Variants in CDK19 observed in about 807,000 individuals in gnomAD.
CDK19 encodes cyclin dependent kinase 19, also known as cyclin-dependent kinase 19.
A neutral mutation model predicts 68.3 loss-of-function variants in CDK19; 20 were observed. That is an observed-to-expected ratio of 0.29 (90% CI 0.21 to 0.43). The LOEUF (loss-of-function observed/expected upper bound fraction) is 0.43, where lower values mean the gene tolerates loss of function less well. Among genes scored for constraint, CDK19 ranks in the 20% least tolerant of loss-of-function variants. The pLI, the probability that CDK19 is intolerant of heterozygous loss-of-function variation, is 1.00. For synonymous variants in CDK19, 221 were observed against 222.8 expected (o/e 0.99, Z 0.07); for missense variants, 339 against 623.5 (o/e 0.54, Z 4.86).
chr6:110,770,913 A>G (rs188504572), intron 1 of CDK19, among the ~76,000 whole-genome samples: 1 of 152,322 alleles, frequency 6.6e-6, no homozygotes, highest in Non-Finnish European at 1.5e-5. Context: ...TAAAGCTCCA[A>G]AATGATCTCC....
At chr6:110,762,286 G>A (rs1323882596) in intron 1 of CDK19, among the ~76,000 whole-genome samples, 1 of 152,088 alleles carries the variant, frequency 6.6e-6, no homozygotes, top group African/African-American at 2.4e-5. Flanking sequence ...TGATTTCCCT[G>A]ATCTCTCTTT....
intron 2 of CDK19, among the ~76,000 whole-genome samples, chr6:110,734,558 TCTC>T (rs1777080339): frequency 6.7e-6 from 1 of 149,830 alleles, no homozygotes; most frequent in African/African-American, 2.5e-5. Flanking sequence ...TCTCTCTCTC[TCTC>T]ATGTCTGGGC....
chr6:110,778,607 T>C (rs1397184160), intron 1 of CDK19, among the ~76,000 whole-genome samples: 1 of 152,208 alleles, frequency 6.6e-6, no homozygotes, highest in Non-Finnish European at 1.5e-5. Flanking sequence ...TGTACTAAAT[T>C]GTTCTCCCTA....
intron 6 of CDK19, among the ~76,000 whole-genome samples, chr6:110,628,792 A>G (rs1239475417): frequency 6.6e-6 from 1 of 152,200 alleles, no homozygotes; most frequent in Non-Finnish European, 1.5e-5. Flanking sequence ...ATTCAGGTAC[A>G]GTTTCCTTCC....
At chr6:110,707,758 G>A (rs576933653) in intron 2 of CDK19, among the ~76,000 whole-genome samples, 1 of 152,226 alleles carries the variant, frequency 6.6e-6, no homozygotes, top group South Asian at 2.1e-4. Flanking sequence ...AATCACCTGA[G>A]GTCAGGAGTT....
Position 110,614,633 on chromosome 6 carries a change from C to A in CDK19, c.1411G>T (p.Val471Phe), listed in dbSNP as rs764256188. The stretch of plus-strand genomic sequence containing the variant: ...CTCTGGGACTGAGAGGATCCCTGAA[C>A]GCTGCTTTGGTAATTCAGGCGAGAA... ...SSSRLNYQSSVQGSSQSQSTL... is the reference protein window; with the variant it reads ...SSSRLNYQSSFQGSSQSQSTL... The change falls in exon 13 of 13, where the codon GTT (valine) becomes TTT (phenylalanine). Residue 471 changes from valine (V) to phenylalanine (F), a missense_variant. By Grantham distance (50) the Val-to-Phe change is conservative. Transcript: ENST00000368911. 2 of 1,613,796 alleles carry A rather than the reference C, an allele frequency of 1.2e-6. No homozygotes were observed. Among genetic ancestry groups the A allele is most frequent in the South Asian group, 2.2e-5 (2 of 91,070 alleles).
At chr6:110,634,659 C>G (rs1464212175) in intron 5 of CDK19, among the ~76,000 whole-genome samples, 2 of 152,240 alleles carry the variant, frequency 1.3e-5, no homozygotes, top group Non-Finnish European at 2.9e-5. Flanking sequence ...CATTTCCCTA[C>G]AGCAAACAAA....
chr6:110,623,475 T>G (rs987410650), intron 8 of CDK19, 113 bp from the exon 9 acceptor site: 287 of 1,420,138 alleles, frequency 2.0e-4, no homozygotes, highest in South Asian at 2.8e-4. Flanking sequence ...AGTCATTGTT[T>G]TTTCTGAATA....
Position 110,804,559 on chromosome 6 carries a change from C to T in CDK19, c.128+10450G>A, listed in dbSNP as rs1441144274. Among the ~76,000 whole-genome samples, 3 of 151,390 alleles carry T rather than the reference C, an allele frequency of 2.0e-5. No individual in the cohort carries two copies. The East Asian group carries it at 6.0e-4, about 30-fold the overall frequency. On this transcript the variant is annotated intron_variant, in intron 1 of 12. Coordinates refer to ENST00000368911, the MANE Select transcript of CDK19 (RefSeq NM_015076.5). ...AGAGACGGGGTTTCACCATATTGGC[C>T]AGGCTGGTCTCGAACTGACCTCGTG...
At chr6:110,760,231 A>G (rs1017280121) in intron 1 of CDK19, among the ~76,000 whole-genome samples, 4 of 151,690 alleles carry the variant, frequency 2.6e-5, no homozygotes, top group African/African-American at 9.7e-5. Context: ...CTCCATCTCT[A>G]CTAAAACTAC....
Position 110,631,731 on chromosome 6 carries a change from C to G in CDK19, c.646+299G>C, listed in dbSNP as rs539603984. Among the ~76,000 whole-genome samples, 87 of 152,332 alleles carry G rather than the reference C, an allele frequency of 5.7e-4. 1 individual carries two copies. The South Asian group carries it at 0.017, about 30-fold the overall frequency. ...AATTCTCAACTTCTCTCCAGTTCTT[C>G]TGATCAACAGCTACTAAGTACAAAA... On this transcript the variant is annotated intron_variant, in intron 6 of 12. Transcript: ENST00000368911.
intron 1 of CDK19, among the ~76,000 whole-genome samples, chr6:110,798,781 A>T (rs1782134817): frequency 6.6e-6 from 1 of 152,080 alleles, no homozygotes; most frequent in South Asian, 2.1e-4. Flanking sequence ...AAGTATGAGA[A>T]CAAAATACAT....
chr6:110,664,827 T>G (rs543599936), intron 4 of CDK19, among the ~76,000 whole-genome samples: 9 of 152,220 alleles, frequency 5.9e-5, no homozygotes, highest in African/African-American at 2.2e-4. Flanking sequence ...CAAGTAGACA[T>G]GGATATGAGG....
chr6:110,763,478 C>T (rs984900400), intron 1 of CDK19, among the ~76,000 whole-genome samples: 1 of 136,932 alleles, frequency 7.3e-6, no homozygotes, highest in Non-Finnish European at 1.5e-5. Context: ...TGCAGTGGTG[C>T]GATCTCAACT....
chr6:110,633,487 G>C (rs1452064862), intron 5 of CDK19, among the ~76,000 whole-genome samples: 1 of 152,128 alleles, frequency 6.6e-6, no homozygotes, highest in African/African-American at 2.4e-5. Context: ...TTGCTGAATG[G>C]TAATCAGCAC....
In CDK19 at chr6:110,613,370, T is replaced by C. The variant is rs1201648041; in HGVS notation, c.*1165A>G. On this transcript the variant is annotated 3_prime_UTR_variant, in exon 13 of 13. Transcript: ENST00000368911. Reference sequence around the variant, plus strand: ...TCAGTAACAACAGCAAAATTATGCATACATAATACATACTTTAAACATGAA... The same window carrying C: ...TCAGTAACAACAGCAAAATTATGCACACATAATACATACTTTAAACATGAA... 1.3e-5 allele frequency: 2 copies of C among 152,668 alleles called. No individual in the cohort carries two copies. Among genetic ancestry groups the C allele is most frequent in the East Asian group, 1.9e-4 (1 of 5,200 alleles). The allele number at this position is 152,668 out of a possible 1,614,324, so 9.5% of individuals were successfully genotyped here.
At chr6:110,679,010 A>G (rs1243774037) in intron 2 of CDK19, among the ~76,000 whole-genome samples, 1 of 152,118 alleles carries the variant, frequency 6.6e-6, no homozygotes, top group Non-Finnish European at 1.5e-5. Context: ...TGGTTCCTTC[A>G]TTCAAAAAGT....
intron 2 of CDK19, among the ~76,000 whole-genome samples, chr6:110,741,492 A>G (rs779817865): frequency 8.6e-5 from 13 of 151,912 alleles, no homozygotes; most frequent in Non-Finnish European, 1.8e-4. Context: ...ATTAAAAAAA[A>G]AAAGAAATGA....
chr6:110,666,406 CAGAG>C (rs1396333519), intron 4 of CDK19, among the ~76,000 whole-genome samples: 1 of 107,506 alleles, frequency 9.3e-6, no homozygotes, highest in Non-Finnish European at 1.7e-5. Flanking sequence ...GCCTGGGCGA[CAGAG>C]AGAGACTCTG....
Sources: allele counts gnomAD v4.1 joint callset (sites outside exome capture counted in the v4.1 genomes callset), GRCh38; gene constraint gnomAD v4.1.1; transcripts MANE v1.5; gene names NCBI Gene and HGNC (gene_info 2026-07-23, HGNC 2026-07-21).